Variants in USP53 observed in about 807,000 individuals in gnomAD.
USP53 encodes the protein ubiquitin specific peptidase 53, also known as ubiquitin carboxyl-terminal hydrolase 53.
Under a neutral mutation model 94.9 loss-of-function variants are expected in USP53, and 71 were observed. The ratio of observed to expected loss-of-function variants is 0.75; its 90% CI spans 0.62 to 0.91. The LOEUF is 0.91. Ranked by LOEUF, USP53 falls within the 40% of genes least tolerant of loss-of-function variation. USP53 has a pLI of 0.00. For synonymous variants in USP53, 375 were observed against 422.7 expected (o/e 0.89, Z 1.39); for missense variants, 1,173 against 1,281.0 (o/e 0.92, Z 1.29).
At chr4:119,226,131 A>G (rs1445415819) in intron 3 of USP53, among the ~76,000 whole-genome samples, 2 of 152,262 alleles carry the variant, frequency 1.3e-5, no homozygotes, top group Non-Finnish European at 2.9e-5. Context: ...ACTGTTTAAT[A>G]TAAAAGTTTC....
intron 12 of USP53, among the ~76,000 whole-genome samples, chr4:119,264,302 T>C (rs1394548553): frequency 6.6e-6 from 1 of 152,148 alleles, no homozygotes; most frequent in Admixed American, 6.6e-5. Context: ...AAAACTACTA[T>C]TTATATATAG....
intron 15 of USP53, 103 bp downstream of exon 15, chr4:119,269,940 A>G (rs1751639206): frequency 2.0e-6 from 1 of 491,964 alleles, no homozygotes; most frequent in East Asian, 7.9e-5. Context: ...TAAATAATAT[A>G]TATTAAAAAT....
At chr4:119,269,873 A>C in intron 15 of USP53, 36 bp downstream of exon 15, 1 of 1,292,226 alleles carries the variant, frequency 7.7e-7, no homozygotes, top group East Asian at 2.9e-5. Context: ...TTTTAAAAGG[A>C]ACTTCTAAAA....
At chr4:119,264,281 G>A (rs1750854581) in intron 12 of USP53, among the ~76,000 whole-genome samples, 1 of 152,080 alleles carries the variant, frequency 6.6e-6, no homozygotes, top group Non-Finnish European at 1.5e-5. Context: ...GGACTATCAG[G>A]GGAGGATAGT....
At chr4:119,258,489 T>C (rs1750050434) in intron 9 of USP53, among the ~76,000 whole-genome samples, 1 of 152,226 alleles carries the variant, frequency 6.6e-6, no homozygotes, top group South Asian at 2.1e-4. Context: ...TTTGGAAATA[T>C]TTAAATAGTT....
chr4:119,268,429 TTAAA>T lies in USP53; in HGVS notation c.1288+11_1288+14del. ...TGTAGGGAAAGGACCAGGTATGTGT[TTAAA>T]TTGTCATTTTTACATAGTTCCAAGT... On this transcript the variant is annotated intron_variant, in intron 14 of 18. Coordinates refer to ENST00000692078, the MANE Select transcript of USP53 (RefSeq NM_001371395.1). 1 of 1,596,986 alleles carries T rather than the reference TTAAA, an allele frequency of 6.3e-7. No homozygotes were observed.
intron 18 of USP53, 52 bp downstream of exon 18, chr4:119,291,313 C>T: frequency 8.5e-7 from 1 of 1,179,368 alleles, no homozygotes; most frequent in Middle Eastern, 2.6e-4. Flanking sequence ...CGTTGTTTAT[C>T]AGAAGGGCAT....
chr4:119,224,218 T>TTGAACTCC (rs1744948505), intron 3 of USP53, among the ~76,000 whole-genome samples: 3 of 152,046 alleles, frequency 2.0e-5, no homozygotes, highest in African/African-American at 4.8e-5. Flanking sequence ...CAGGCTGGTC[T>TTGAACTCC]TGAACTCCTG....
chr4:119,213,418 T>C (rs898479971), intron 1 of USP53, among the ~76,000 whole-genome samples: 1 of 151,920 alleles, frequency 6.6e-6, no homozygotes, highest in Non-Finnish European at 1.5e-5. Context: ...ATGTTTAGCT[T>C]CTAAAGGGCG....
At chr4:119,270,921 T>C (rs530584198) in intron 15 of USP53, among the ~76,000 whole-genome samples, 40 of 143,576 alleles carry the variant, frequency 2.8e-4, no homozygotes, top group African/African-American at 9.2e-4. Context: ...CCAACAATGA[T>C]TGGATGTCTG....
intron 7 of USP53, among the ~76,000 whole-genome samples, chr4:119,249,400 G>C (rs1326932461): frequency 6.6e-6 from 1 of 152,064 alleles, no homozygotes; most frequent in Non-Finnish European, 1.5e-5. Flanking sequence ...GCATTCCTTT[G>C]ATCAGGTACA....
At chr4:119,274,062 C>T in intron 17 of USP53, among the ~76,000 whole-genome samples, 2 of 142,104 alleles carry the variant, frequency 1.4e-5, no homozygotes, top group African/African-American at 2.6e-5. Flanking sequence ...TCTTGGTCCT[C>T]TTGTTTTATT....
At chr4:119,284,016 T>G (rs991377263) in intron 17 of USP53, among the ~76,000 whole-genome samples, 1 of 151,760 alleles carries the variant, frequency 6.6e-6, no homozygotes, top group Admixed American at 6.6e-5. Flanking sequence ...AAGGAGCAAC[T>G]GTAGAAAGGA....
intron 15 of USP53, among the ~76,000 whole-genome samples, chr4:119,270,355 C>T (rs1751694264): frequency 6.6e-6 from 1 of 152,016 alleles, no homozygotes; most frequent in Non-Finnish European, 1.5e-5. Context: ...ACCTCAGCCT[C>T]CCAAAGTGCT....
intron 13 of USP53, among the ~76,000 whole-genome samples, chr4:119,267,715 A>T (rs1230927615): frequency 1.3e-5 from 2 of 152,210 alleles, no homozygotes; most frequent in African/African-American, 2.4e-5. Context: ...ATCACAGAAG[A>T]GGCTTCATTA....
At chr4:119,227,359 C>T (rs973022404) in intron 3 of USP53, among the ~76,000 whole-genome samples, 11 of 149,778 alleles carry the variant, frequency 7.3e-5, no homozygotes, top group Admixed American at 6.0e-4. Context: ...CTCTACAGGG[C>T]CGGGCGCTGT....
chr4:119,271,386 A>G lies in USP53; in HGVS notation c.1526A>G (p.His509Arg). The change falls in exon 16 of 19, where the codon CAT (histidine) becomes CGT (arginine). Residue 509 changes from histidine to arginine, a missense_variant. Transcript: ENST00000692078. ...FKQHGNPHLYHSQGKGSYKHD... is the reference protein window; with the variant it reads ...FKQHGNPHLYRSQGKGSYKHD... ...CAACATGGGAATCCACATCTATATC[A>G]TAGTCAAGGAAAAGGATCATATAAA... is the stretch of plus-strand genomic sequence containing the variant. The G allele has an allele frequency of 1.2e-6, 2 of 1,613,664 alleles. No individual in the cohort carries two copies. Among genetic ancestry groups the G allele is most frequent in the Non-Finnish European group, 8.5e-7 (1 of 1,179,944 alleles).
At position 119,293,167 on chromosome 4, in the gene USP53, T is replaced by C. The variant is rs1754966525; in HGVS notation, c.3178T>C (p.Ser1060Pro). ...RLKYHQRPKL[S>P]FPESSGFCNN... The stretch of plus-strand genomic sequence containing the variant: ...GAAATACCATCAGAGGCCCAAGCTC[T>C]CTTTTCCAGAGAGCAGTGGCTTTTG... Residue 1060 changes from serine to proline, a missense_variant, in exon 19 of 19, where the codon TCT becomes CCT. Physicochemically the swap from Ser to Pro is moderately conservative, Grantham distance 74 (BLOSUM62 -1). Coordinates refer to ENST00000692078, the MANE Select transcript of USP53 (RefSeq NM_001371395.1). 6.2e-7 allele frequency: 1 copy of C among 1,611,112 alleles called. No individual in the cohort carries two copies. Among genetic ancestry groups the C allele is most frequent in the African/African-American group, 1.3e-5 (1 of 74,804 alleles).
chr4:119,281,036 T>C (rs1753452780), intron 17 of USP53, among the ~76,000 whole-genome samples: 1 of 152,184 alleles, frequency 6.6e-6, no homozygotes, highest in South Asian at 2.1e-4. Flanking sequence ...CCATAGTAGT[T>C]AAGAACACAT....
Sources: allele counts gnomAD v4.1 joint callset (sites outside exome capture counted in the v4.1 genomes callset), GRCh38; gene constraint gnomAD v4.1.1; transcripts MANE v1.5; gene names NCBI Gene and HGNC (gene_info 2026-07-23, HGNC 2026-07-21).